PLXNA4: variants seen among roughly 807,000 people sequenced by gnomAD.
The protein encoded by PLXNA4 is plexin A4, also known as plexin-A4.
Under a neutral mutation model 191.8 loss-of-function variants are expected in PLXNA4, and 44 were observed. That is an observed-to-expected ratio of 0.23 (90% CI 0.18 to 0.29). The LOEUF is 0.29. Among genes scored for constraint, PLXNA4 ranks in the 10% least tolerant of loss-of-function variants. The pLI is 1.00. For synonymous variants in PLXNA4, 1,082 were observed against 1,009.5 expected (o/e 1.07, Z -1.36); for missense variants, 1,800 against 2,488.8 (o/e 0.72, Z 5.89).
At chr7:132,512,062 C>T (rs1437810172) in intron 1 of PLXNA4, among the ~76,000 whole-genome samples, 1 of 152,228 alleles carries the variant, frequency 6.6e-6, no homozygotes, top group Non-Finnish European at 1.5e-5. Context: ...AAAGAGACTG[C>T]TCTTTGGGCA....
chr7:132,604,886 T>C (rs1412582077), intron 2 of PLXNA4, among the ~76,000 whole-genome samples: 1 of 152,166 alleles, frequency 6.6e-6, no homozygotes, highest in African/African-American at 2.4e-5. Context: ...CCACAGCCTC[T>C]CCCTGGGACT....
Position 132,226,160 on chromosome 7 carries a change from C to T in PLXNA4, c.1982+1G>A. ...AAGTGGGTAAGGCTGGGGCCACTTA[C>T]GAATTGTGGACGCTGCAATTGTAGA... On this transcript the variant is annotated splice_donor_variant, in intron 8 of 31. Coordinates refer to ENST00000321063, the MANE Select transcript of PLXNA4 (RefSeq NM_020911.2). LOFTEE classifies it high-confidence loss of function. 6 of 1,613,156 alleles carry T rather than the reference C, an allele frequency of 3.7e-6. No homozygotes were observed. Among genetic ancestry groups the T allele is most frequent in the East Asian group, 2.2e-5 (1 of 44,858 alleles).
chr7:132,385,195 G>T, intron 3 of PLXNA4: 1 of 1,613,976 alleles, frequency 6.2e-7, no homozygotes, highest in Non-Finnish European at 8.5e-7. Context: ...TTCTCAGTTT[G>T]ATGAACAGCT....
intron 3 of PLXNA4, among the ~76,000 whole-genome samples, chr7:132,458,058 C>T (rs1796372853): frequency 6.6e-6 from 1 of 152,186 alleles, no homozygotes; most frequent in African/African-American, 2.4e-5. Flanking sequence ...AGGAAACCAA[C>T]ACATCGTGTC....
chr7:132,129,345 T>TAGCAATGGCACCGGATTCTGCAG lies in PLXNA4; in HGVS notation c.*1111_*1133dup, dbSNP rs1563045733. ...CAGCCCAGTGACAAAGTCATCTGCA[T>TAGCAATGGCACCGGATTCTGCAG]AGCAATGGCACCGGATTCTGCAGAG... On this transcript the variant is annotated 3_prime_UTR_variant, in exon 32 of 32. Coordinates refer to ENST00000321063, the MANE Select transcript of PLXNA4 (RefSeq NM_020911.2). 1 of 152,264 alleles carries TAGCAATGGCACCGGATTCTGCAG rather than the reference T, an allele frequency of 6.6e-6. No homozygotes were observed. The highest frequency in any genetic ancestry group is 1.9e-4 in the East Asian group (1 of 5,200). The allele number at this position is 152,264 out of a possible 1,614,324, so 9.4% of individuals were successfully genotyped here.
At chr7:132,225,933 T>C (rs1047132756) in intron 8 of PLXNA4, among the ~76,000 whole-genome samples, 5 of 152,104 alleles carry the variant, frequency 3.3e-5, no homozygotes, top group African/African-American at 1.2e-4. Context: ...TCTGCTCTTC[T>C]AGTCTCTTTC....
At chr7:132,372,195 G>A (rs558326017) in intron 3 of PLXNA4, among the ~76,000 whole-genome samples, 1 of 152,284 alleles carries the variant, frequency 6.6e-6, no homozygotes, top group East Asian at 1.9e-4. Context: ...CAGCTATTGA[G>A]CAAAGGTATC....
chr7:132,575,735 G>C (rs1032434251), intron 1 of PLXNA4, among the ~76,000 whole-genome samples: 1 of 152,192 alleles, frequency 6.6e-6, no homozygotes, highest in African/African-American at 2.4e-5. Context: ...GCTTTAAGCC[G>C]CTTTCTGCCT....
chr7:132,223,506 C>T, intron 9 of PLXNA4, 21 bp downstream of exon 9: 1 of 1,593,152 alleles, frequency 6.3e-7, no homozygotes, highest in African/African-American at 1.3e-5. Flanking sequence ...ACACTCACCA[C>T]TCTGGCTGCC....
intron 2 of PLXNA4, among the ~76,000 whole-genome samples, chr7:132,642,431 C>T (rs1468499031): frequency 6.6e-6 from 1 of 151,782 alleles, no homozygotes; most frequent in East Asian, 1.9e-4. Context: ...AACAGGGTTG[C>T]CCTTAAGAAA....
chr7:132,553,022 T>G (rs977864312), intron 1 of PLXNA4, among the ~76,000 whole-genome samples: 6 of 152,168 alleles, frequency 3.9e-5, no homozygotes, highest in Admixed American at 2.6e-4. Context: ...TGGGCTCCCA[T>G]GCCATGAAAC....
intron 20 of PLXNA4, 130 bp from the exon 21 acceptor site, chr7:132,175,050 A>G (rs1001203873): frequency 7.1e-7 from 1 of 1,410,408 alleles, no homozygotes; most frequent in African/African-American, 1.4e-5. Context: ...GGGCGGGAAT[A>G]ACTGGAGAGG....
At chr7:132,232,485 A>C (rs916381870) in intron 5 of PLXNA4, among the ~76,000 whole-genome samples, 1 of 152,140 alleles carries the variant, frequency 6.6e-6, no homozygotes, top group African/African-American at 2.4e-5. Context: ...CTAGAGCTGG[A>C]GTCCCTCCCT....
chr7:132,408,504 C>T (rs1794317770), intron 3 of PLXNA4, among the ~76,000 whole-genome samples: 1 of 149,196 alleles, frequency 6.7e-6, no homozygotes, highest in Non-Finnish European at 1.5e-5. Context: ...CACTCTGTCA[C>T]CCAGGCTGGA....
At chr7:132,264,481 T>A (rs73496814) in intron 4 of PLXNA4, among the ~76,000 whole-genome samples, 2,372 of 152,158 alleles carry the variant, frequency 0.016, 61 homozygotes, top group African/African-American at 0.054. Flanking sequence ...AAATGAGGCC[T>A]CATATGCCCT....
chr7:132,171,208 T>C (rs13231300), intron 21 of PLXNA4, among the ~76,000 whole-genome samples: 35,860 of 152,240 alleles, frequency 0.24, 5,367 homozygotes, highest in African/African-American at 0.39. Flanking sequence ...GCATCCACCA[T>C]GTGCAATGCA....
intron 3 of PLXNA4, among the ~76,000 whole-genome samples, chr7:132,419,390 G>A (rs1486921679): frequency 1.3e-5 from 2 of 152,084 alleles, no homozygotes; most frequent in Non-Finnish European, 2.9e-5. Flanking sequence ...CAGATAACTG[G>A]GTGAACAACT....
chr7:132,417,380 C>A (rs1277435203), intron 3 of PLXNA4, among the ~76,000 whole-genome samples: 2 of 152,170 alleles, frequency 1.3e-5, no homozygotes, highest in East Asian at 3.8e-4. Context: ...TCTTCCTAGA[C>A]CCTTGCTTCG....
At chr7:132,369,646 T>C (rs796143607) in intron 3 of PLXNA4, among the ~76,000 whole-genome samples, 4 of 152,198 alleles carry the variant, frequency 2.6e-5, no homozygotes, top group African/African-American at 7.2e-5. Flanking sequence ...AGGCACTTCA[T>C]GTCTGCCCTG....
Sources: gnomAD v4.1 joint callset for allele counts (sites outside exome capture counted in the v4.1 genomes callset) on GRCh38, gnomAD v4.1.1 for gene constraint, MANE v1.5 for transcripts, NCBI Gene and HGNC (gene_info 2026-07-23, HGNC 2026-07-21) for gene names.